EDIL3: variants seen among roughly 807,000 people sequenced by gnomAD.
EDIL3 encodes the protein EGF like and discoidin domains 3.
Under a neutral mutation model 67.4 loss-of-function variants are expected in EDIL3, and 37 were observed. The observed-to-expected ratio is 0.55, with a 90% CI of 0.42 to 0.72. The LOEUF (loss-of-function observed/expected upper bound fraction) is 0.72. EDIL3 is among the 30% of genes least tolerant of loss of function. EDIL3 has a pLI of 0.00. For missense variants in EDIL3, 527 were observed against 586.3 expected (o/e 0.90, Z 1.04); for synonymous variants, 195 against 196.3 (o/e 0.99, Z 0.05).
chr5:83,993,827 T>G (rs1056305079), intron 9 of EDIL3, among the ~76,000 whole-genome samples: 1 of 152,186 alleles, frequency 6.6e-6, no homozygotes, highest in Non-Finnish European at 1.5e-5. Flanking sequence ...TTGTTGAGTC[T>G]TCCTCTCTGC....
chr5:84,337,485 T>C (rs1202500713), intron 1 of EDIL3, among the ~76,000 whole-genome samples: 2 of 152,084 alleles, frequency 1.3e-5, no homozygotes, highest in African/African-American at 4.8e-5. Flanking sequence ...GTCATCCTAG[T>C]ATGACTAAAA....
intron 6 of EDIL3, among the ~76,000 whole-genome samples, chr5:84,089,029 G>A (rs1747119655): frequency 6.6e-6 from 1 of 152,132 alleles, no homozygotes; most frequent in Admixed American, 6.5e-5. Context: ...ATACTTTCAG[G>A]TGAGCTATAG....
intron 9 of EDIL3, among the ~76,000 whole-genome samples, chr5:84,052,439 G>C (rs1206234689): frequency 7.2e-6 from 1 of 138,522 alleles, no homozygotes; most frequent in African/African-American, 2.7e-5. Flanking sequence ...ATAATGACAG[G>C]ATCAAATTCA....
At chr5:84,243,468 G>T (rs912027201) in intron 2 of EDIL3, among the ~76,000 whole-genome samples, 1 of 152,192 alleles carries the variant, frequency 6.6e-6, no homozygotes, top group Admixed American at 6.5e-5. Flanking sequence ...TCTTGTTCTT[G>T]AAAATGTTTG....
At chr5:83,969,255 C>T (rs1257129450) in intron 9 of EDIL3, among the ~76,000 whole-genome samples, 1 of 151,762 alleles carries the variant, frequency 6.6e-6, no homozygotes, top group Non-Finnish European at 1.5e-5. Context: ...TTTACTCCCT[C>T]TATCCTCAAT....
chr5:84,251,255 G>A (rs1745019934), intron 2 of EDIL3, among the ~76,000 whole-genome samples: 1 of 152,084 alleles, frequency 6.6e-6, no homozygotes, highest in Non-Finnish European at 1.5e-5. Context: ...TGGGACTACA[G>A]GAACCTGTTA....
rs575240280 is a variant in EDIL3 at position 84,254,827 on chromosome 5, T to G, written c.68-615A>C. 3.9e-5 allele frequency among the ~76,000 whole-genome samples: 6 copies of G among 152,254 alleles called. No individual in the cohort carries two copies. The South Asian group carries it at 1.2e-3, about 32-fold the overall frequency. ...TAAGAAAGAAACTGCTACAGAGAAA[T>G]AACTTATGACATAACAGAAACCCCA... On this transcript the variant is annotated intron_variant, in intron 1 of 10. Transcript: ENST00000296591.
chr5:84,275,130 A>T (rs2112100724), intron 1 of EDIL3, among the ~76,000 whole-genome samples: 1 of 152,294 alleles, frequency 6.6e-6, no homozygotes, highest in Admixed American at 6.5e-5. Context: ...TCCCCAAATC[A>T]GTGTTTGTTA....
chr5:84,178,006 T>C (rs1010556173), intron 4 of EDIL3, among the ~76,000 whole-genome samples: 6 of 152,328 alleles, frequency 3.9e-5, no homozygotes, highest in South Asian at 2.1e-4. Context: ...TTGTTTAATT[T>C]TCTTTTTCCA....
chr5:84,332,910 T>G (rs1185726878), intron 1 of EDIL3, among the ~76,000 whole-genome samples: 1 of 152,190 alleles, frequency 6.6e-6, no homozygotes, highest in Non-Finnish European at 1.5e-5. Flanking sequence ...TTGAGAGACA[T>G]TAGTAGTTTT....
At chr5:84,201,073 T>C (rs1743821711) in intron 3 of EDIL3, among the ~76,000 whole-genome samples, 1 of 152,110 alleles carries the variant, frequency 6.6e-6, no homozygotes, top group African/African-American at 2.4e-5. Context: ...ATTTCTTGTA[T>C]CTTAAATCTC....
chr5:84,296,736 C>T (rs1192913190), intron 1 of EDIL3, among the ~76,000 whole-genome samples: 1 of 152,148 alleles, frequency 6.6e-6, no homozygotes, highest in African/African-American at 2.4e-5. Context: ...CTCTGCCATG[C>T]CTATGTCCTG....
At chr5:84,288,964 A>C (rs1745862825) in intron 1 of EDIL3, among the ~76,000 whole-genome samples, 1 of 152,184 alleles carries the variant, frequency 6.6e-6, no homozygotes, top group Non-Finnish European at 1.5e-5. Context: ...TGAATAAATA[A>C]ATGAACAAAT....
chr5:84,015,258 A>G (rs1404011936), intron 9 of EDIL3, among the ~76,000 whole-genome samples: 1 of 152,184 alleles, frequency 6.6e-6, no homozygotes, highest in Non-Finnish European at 1.5e-5. Context: ...CAATAACACA[A>G]TGGTACCTTA....
intron 9 of EDIL3, among the ~76,000 whole-genome samples, chr5:84,046,455 G>C (rs187598055): frequency 2.6e-4 from 39 of 152,282 alleles, no homozygotes; most frequent in Middle Eastern, 3.4e-3. Context: ...TAGGCTTCCT[G>C]ACAAGTGCTG....
At chr5:83,955,466 G>A (rs1187252828) in intron 10 of EDIL3, among the ~76,000 whole-genome samples, 1 of 151,488 alleles carries the variant, frequency 6.6e-6, no homozygotes, top group African/African-American at 2.4e-5. Flanking sequence ...AACTTTAAGG[G>A]AGTTTATCAA....
intron 3 of EDIL3, among the ~76,000 whole-genome samples, chr5:84,215,983 G>C (rs1561224182): frequency 6.6e-6 from 1 of 152,204 alleles, no homozygotes; most frequent in East Asian, 1.9e-4. Flanking sequence ...AAAGAATTAG[G>C]CTGCCGGCTC....
intron 10 of EDIL3, among the ~76,000 whole-genome samples, chr5:83,947,369 C>CTGTG (rs34059015): frequency 0.028 from 3,614 of 129,462 alleles, 130 homozygotes; most frequent in African/African-American, 0.1. Flanking sequence ...GTGTCTGTGT[C>CTGTG]TGTGTGTGTG....
intron 3 of EDIL3, among the ~76,000 whole-genome samples, chr5:84,208,352 C>T (rs2112386358): frequency 6.6e-6 from 1 of 152,232 alleles, no homozygotes; most frequent in African/African-American, 2.4e-5. Flanking sequence ...AATGAGATAC[C>T]ATCTCACACC....
Sources: allele counts gnomAD v4.1 joint callset (sites outside exome capture counted in the v4.1 genomes callset), GRCh38; gene constraint gnomAD v4.1.1; transcripts MANE v1.5; gene names NCBI Gene and HGNC (gene_info 2026-07-23, HGNC 2026-07-21).